LARGE1: variants seen among roughly 807,000 people sequenced by gnomAD.
LARGE1 encodes xylosyl- and glucuronyltransferase LARGE1.
A neutral mutation model predicts 87.6 loss-of-function variants in LARGE1; 43 were observed. That is an observed-to-expected ratio of 0.49 (90% CI 0.38 to 0.63). The LOEUF (loss-of-function observed/expected upper bound fraction) is 0.63, where lower values mean the gene tolerates loss of function less well. Among genes scored for constraint, LARGE1 ranks in the 30% least tolerant of loss-of-function variants. LARGE1 has a pLI of 0.00. For synonymous variants in LARGE1, 434 were observed against 394.6 expected, an observed-to-expected ratio of 1.10 and a Z score of -1.18; for missense variants, 802 against 1,000.2, an observed-to-expected ratio of 0.80 and a Z score of 2.67.
At chr22:33,758,976 T>C (rs2084622790) in intron 2 of LARGE1, among the ~76,000 whole-genome samples, 1 of 152,144 alleles carries the variant, frequency 6.6e-6, no homozygotes, top group Non-Finnish European at 1.5e-5. Flanking sequence ...CCACAGGCAA[T>C]TCAATCAGAG....
chr22:33,136,319 G>T, the LARGE1 span, among the ~76,000 whole-genome samples: 1 of 152,108 alleles, frequency 6.6e-6, no homozygotes, highest in Admixed American at 6.5e-5. Flanking sequence ...AAGGTGAAAG[G>T]CACATCTTAC....
At position 33,410,088 on chromosome 22, in the gene LARGE1, G is replaced by C. The variant is rs567949776; in HGVS notation, c.892+22073C>G. ...ATAGGGATCACCTGCTTGGTTTTACGAACTACTGAAGGAAGAGTCTCACCC... is the reference window on the plus strand; with the variant it reads ...ATAGGGATCACCTGCTTGGTTTTACCAACTACTGAAGGAAGAGTCTCACCC... On this transcript the variant is annotated intron_variant, in intron 7 of 14. Transcript: ENST00000397394. Among the ~76,000 whole-genome samples, 8 of 152,156 alleles carry C rather than the reference G, an allele frequency of 5.3e-5. No individual in the cohort carries two copies. In the South Asian group the frequency reaches 1.7e-3, roughly 32 times the overall value.
At chr22:33,447,991 T>C (rs1296320710) in intron 6 of LARGE1, among the ~76,000 whole-genome samples, 1 of 151,972 alleles carries the variant, frequency 6.6e-6, no homozygotes, top group African/African-American at 2.4e-5. Flanking sequence ...AAATGTCACA[T>C]ATTGCATGAC....
At chr22:33,322,423 G>GT (rs1188322574) in intron 10 of LARGE1, 2 of 152,226 alleles carry the variant, frequency 1.3e-5, no homozygotes, top group East Asian at 3.8e-4. Flanking sequence ...CATGTCAAGT[G>GT]TTTTGTAAAC....
intron 11 of LARGE1, among the ~76,000 whole-genome samples, chr22:33,244,641 T>G (rs887783145): frequency 6.6e-6 from 1 of 152,228 alleles, no homozygotes; most frequent in Non-Finnish European, 1.5e-5. Flanking sequence ...CATTAGTCTC[T>G]GTAGGCAGTT....
chr22:33,657,241 T>A (rs1417934065), intron 2 of LARGE1: 1 of 152,198 alleles, frequency 6.6e-6, no homozygotes, highest in African/African-American at 2.4e-5. Flanking sequence ...GGTTGCATCA[T>A]CCTGCCCGTG....
At chr22:33,758,391 C>T (rs766946036) in intron 2 of LARGE1, among the ~76,000 whole-genome samples, 7 of 152,130 alleles carry the variant, frequency 4.6e-5, no homozygotes, top group East Asian at 1.9e-4. Flanking sequence ...TGCGGCAGCC[C>T]GAATGCACAC....
At chr22:33,445,153 C>T (rs2067637042) in intron 6 of LARGE1, among the ~76,000 whole-genome samples, 1 of 152,126 alleles carries the variant, frequency 6.6e-6, no homozygotes, top group Admixed American at 6.5e-5. Context: ...ACAAGGGCAC[C>T]AGTCTTCTGG....
chr22:33,878,908 A>G lies in LARGE1; in HGVS notation c.-83+41087T>C, dbSNP rs74281018. On this transcript the variant is annotated intron_variant, in intron 1 of 14. Coordinates refer to ENST00000397394, the MANE Select transcript of LARGE1 (RefSeq NM_133642.5). ...GTTTGCAGAGATATCATCAGGATGC[A>G]TGATATTCAGATGCTTTCAATACTT... is the stretch of plus-strand genomic sequence containing the variant. Among the ~76,000 whole-genome samples the G allele has an allele frequency of 3.7e-4, 56 of 152,174 alleles. No individual in the cohort carries two copies. The East Asian group carries it at 0.01, about 28-fold the overall frequency.
At chr22:33,764,040 G>A (rs1465494909) in intron 1 of LARGE1, among the ~76,000 whole-genome samples, 1 of 151,538 alleles carries the variant, frequency 6.6e-6, no homozygotes, top group Non-Finnish European at 1.5e-5. Context: ...AGTAGAGATG[G>A]GGTTTCACCA....
chr22:33,700,394 T>G (rs557944597), intron 2 of LARGE1, among the ~76,000 whole-genome samples: 2 of 152,322 alleles, frequency 1.3e-5, no homozygotes, highest in East Asian at 3.9e-4. Context: ...TCCAGAGAAT[T>G]AATTGTGTAC....
intron 11 of LARGE1, among the ~76,000 whole-genome samples, chr22:33,211,569 C>G (rs959526300): frequency 6.6e-6 from 1 of 151,984 alleles, no homozygotes; most frequent in Non-Finnish European, 1.5e-5. Flanking sequence ...GTCAGGAGTC[C>G]GAGACCAGCC....
At chr22:33,194,197 T>C (rs1373626284) in intron 11 of LARGE1, among the ~76,000 whole-genome samples, 2 of 152,164 alleles carry the variant, frequency 1.3e-5, no homozygotes, top group Non-Finnish European at 2.9e-5. Flanking sequence ...AAATGAAATA[T>C]GTTTCTTTGT....
At chr22:33,841,108 C>G (rs147266009) in intron 1 of LARGE1, among the ~76,000 whole-genome samples, 1 of 152,180 alleles carries the variant, frequency 6.6e-6, no homozygotes, top group East Asian at 1.9e-4. Context: ...CTAAGCTAAA[C>G]TATGCTGTAA....
intron 6 of LARGE1, among the ~76,000 whole-genome samples, chr22:33,454,297 T>C (rs553881516): frequency 6.6e-6 from 1 of 151,996 alleles, no homozygotes; most frequent in Non-Finnish European, 1.5e-5. Context: ...ATAAAAAAAA[T>C]GCCTGAGACT....
rs111269177 is a variant in LARGE1, at chr22:33,627,134, T to C, written c.409-808A>G. On this transcript the variant is annotated intron_variant, in intron 3 of 14. Coordinates refer to ENST00000397394, the MANE Select transcript of LARGE1 (RefSeq NM_133642.5). The stretch of plus-strand genomic sequence containing the variant: ...GCCCAGGCACCTTAGTGTGCCACGA[T>C]TGAATTACAGGTGACAAATATACTC... Among the ~76,000 whole-genome samples, 9 of 152,218 alleles carry C rather than the reference T, an allele frequency of 5.9e-5. No individual in the cohort carries two copies. The South Asian group carries it at 8.3e-4, about 14-fold the overall frequency.
At chr22:33,490,007 C>A (rs977781773) in intron 6 of LARGE1, among the ~76,000 whole-genome samples, 1 of 152,198 alleles carries the variant, frequency 6.6e-6, no homozygotes, top group South Asian at 2.1e-4. Context: ...ACGGTTTCCC[C>A]GCCTTGTATC....
At chr22:33,074,587 A>G in the LARGE1 span, among the ~76,000 whole-genome samples, 3 of 152,102 alleles carry the variant, frequency 2.0e-5, no homozygotes, top group Non-Finnish European at 4.4e-5. Flanking sequence ...AGGCCAGAGA[A>G]TTGCTTGAAC....
chr22:33,275,773 C>T (rs1049970968), intron 14 of LARGE1, among the ~76,000 whole-genome samples: 2 of 152,196 alleles, frequency 1.3e-5, no homozygotes, highest in Non-Finnish European at 1.5e-5. Flanking sequence ...CCAAAACAAA[C>T]AAAGCCCAGG....
Sources: allele counts gnomAD v4.1 joint callset (sites outside exome capture counted in the v4.1 genomes callset), GRCh38; gene constraint gnomAD v4.1.1; transcripts MANE v1.5; gene names NCBI Gene and HGNC (gene_info 2026-07-23, HGNC 2026-07-21).